CNTNAP2: variants seen among roughly 807,000 people sequenced by gnomAD.
CNTNAP2 encodes contactin associated protein 2.
In CNTNAP2, 98 loss-of-function variants were observed where a neutral mutation model predicts 155.2. The observed-to-expected ratio is 0.63, with a 90% CI of 0.54 to 0.75. CNTNAP2 has a LOEUF of 0.75. Among genes scored for constraint, CNTNAP2 ranks in the 30% least tolerant of loss-of-function variants. The pLI is 0.00. For missense variants in CNTNAP2, 1,727 were observed against 1,688.1 expected, an observed-to-expected ratio of 1.02 and a Z score of -0.40; for synonymous variants, 651 against 631.2, an observed-to-expected ratio of 1.03 and a Z score of -0.47.
intron 11 of CNTNAP2, among the ~76,000 whole-genome samples, chr7:147,504,560 G>A (rs780320263): frequency 5.3e-5 from 8 of 151,444 alleles, no homozygotes; most frequent in Admixed American, 2.6e-4. Context: ...GTGGTGTTAC[G>A]TGCCTGTAAT....
At chr7:146,322,288 G>C (rs1801017727) in intron 1 of CNTNAP2, among the ~76,000 whole-genome samples, 1 of 152,146 alleles carries the variant, frequency 6.6e-6, no homozygotes, top group Non-Finnish European at 1.5e-5. Flanking sequence ...CTGCTTCACA[G>C]TAAAGAATTC....
chr7:147,667,539 C>A (rs1410259591), intron 13 of CNTNAP2, among the ~76,000 whole-genome samples: 1 of 152,110 alleles, frequency 6.6e-6, no homozygotes, highest in African/African-American at 2.4e-5. Flanking sequence ...TGACCCAGCT[C>A]CTTTCCAAGA....
intron 1 of CNTNAP2, among the ~76,000 whole-genome samples, chr7:146,487,115 G>A (rs980714892): frequency 4.6e-5 from 7 of 152,194 alleles, no homozygotes; most frequent in African/African-American, 1.2e-4. Flanking sequence ...ATCTTAATAC[G>A]TATAAGTCAT....
chr7:148,128,358 A>G (rs962090625), intron 16 of CNTNAP2, among the ~76,000 whole-genome samples: 4 of 152,184 alleles, frequency 2.6e-5, no homozygotes, highest in African/African-American at 9.7e-5. Flanking sequence ...TCTCCCCAAA[A>G]ATAAAATTTG....
At chr7:146,237,052 C>CG (rs112968711) in intron 1 of CNTNAP2, among the ~76,000 whole-genome samples, 2,722 of 152,118 alleles carry the variant, frequency 0.018, 92 homozygotes, top group African/African-American at 0.063. Context: ...GAGAAAAACA[C>CG]GGGGGGAGCT....
intron 17 of CNTNAP2, among the ~76,000 whole-genome samples, chr7:148,166,841 G>T (rs547039256): frequency 6.6e-6 from 1 of 152,102 alleles, no homozygotes; most frequent in Non-Finnish European, 1.5e-5. Flanking sequence ...AACTTATGAC[G>T]TTTGTCACCA....
At chr7:147,448,432 A>G (rs1797777694) in intron 10 of CNTNAP2, among the ~76,000 whole-genome samples, 1 of 151,564 alleles carries the variant, frequency 6.6e-6, no homozygotes, top group Non-Finnish European at 1.5e-5. Flanking sequence ...GTTGGGTGCT[A>G]CATAAACATT....
intron 10 of CNTNAP2, among the ~76,000 whole-genome samples, chr7:147,459,883 A>G (rs1797988334): frequency 6.6e-6 from 1 of 152,146 alleles, no homozygotes; most frequent in African/African-American, 2.4e-5. Flanking sequence ...TGAAATAGGT[A>G]GGTCTGAAAC....
chr7:148,201,591 G>A lies in CNTNAP2; in HGVS notation c.3011-15697G>A, dbSNP rs546183156. ...TTATAGACATGGGAAGACTCAAATA[G>A]TTGGTTTCCCTAATTCTCAGGAGAC... On this transcript the variant is annotated intron_variant, in intron 18 of 23. Transcript: ENST00000361727. Among the ~76,000 whole-genome samples the A allele has an allele frequency of 7.9e-5, 12 of 152,232 alleles. No individual in the cohort carries two copies. The South Asian group carries it at 2.5e-3, about 32-fold the overall frequency.
intron 13 of CNTNAP2, among the ~76,000 whole-genome samples, chr7:147,740,997 G>A (rs1239046966): frequency 6.6e-6 from 1 of 152,154 alleles, no homozygotes; most frequent in Non-Finnish European, 1.5e-5. Context: ...ACCCCCAATG[G>A]TCATTGGTTA....
At chr7:146,592,295 A>G (rs1387415680) in intron 1 of CNTNAP2, among the ~76,000 whole-genome samples, 2 of 152,216 alleles carry the variant, frequency 1.3e-5, no homozygotes, top group Non-Finnish European at 2.9e-5. Flanking sequence ...AACCAGAAAA[A>G]TGAGAAATGC....
intron 3 of CNTNAP2, among the ~76,000 whole-genome samples, chr7:146,866,826 T>A (rs2129206394): frequency 6.6e-6 from 1 of 152,246 alleles, no homozygotes; most frequent in African/African-American, 2.4e-5. Flanking sequence ...ACTCACATGA[T>A]GGAAAACAAT....
intron 22 of CNTNAP2, among the ~76,000 whole-genome samples, chr7:148,403,236 G>A (rs1799629413): frequency 6.6e-6 from 1 of 151,418 alleles, no homozygotes; most frequent in South Asian, 2.1e-4. Flanking sequence ...GAGGAGGGGA[G>A]GAGAGCTAAT....
At chr7:147,680,053 C>A (rs774725234) in intron 13 of CNTNAP2, among the ~76,000 whole-genome samples, 2 of 151,746 alleles carry the variant, frequency 1.3e-5, no homozygotes, top group Non-Finnish European at 2.9e-5. Context: ...GTAACCTGTG[C>A]CTTCACTCAA....
intron 2 of CNTNAP2, among the ~76,000 whole-genome samples, chr7:146,785,259 C>A (rs1802556344): frequency 6.6e-6 from 1 of 152,230 alleles, no homozygotes; most frequent in Non-Finnish European, 1.5e-5. Flanking sequence ...CAGGCATGAG[C>A]CACAGAGCGC....
At chr7:148,330,491 G>A (rs1797971695) in intron 21 of CNTNAP2, among the ~76,000 whole-genome samples, 1 of 149,910 alleles carries the variant, frequency 6.7e-6, no homozygotes, top group African/African-American at 2.5e-5. Flanking sequence ...CGGATGGAGT[G>A]GATGGATGGA....
At chr7:146,648,125 T>C (rs1282124558) in intron 1 of CNTNAP2, among the ~76,000 whole-genome samples, 2 of 152,166 alleles carry the variant, frequency 1.3e-5, no homozygotes, top group Non-Finnish European at 2.9e-5. Flanking sequence ...TAAAATGCTT[T>C]TGTATTTCTC....
chr7:147,602,639 C>T (rs1488929616), intron 12 of CNTNAP2, among the ~76,000 whole-genome samples: 1 of 150,796 alleles, frequency 6.6e-6, no homozygotes, highest in African/African-American at 2.4e-5. Context: ...TCCCTCCCCA[C>T]TCCCCCCACC....
chr7:147,876,643 A>G lies in CNTNAP2; in HGVS notation c.2099-26922A>G, dbSNP rs536978762. On this transcript the variant is annotated intron_variant, in intron 13 of 23. Coordinates refer to ENST00000361727, the MANE Select transcript of CNTNAP2 (RefSeq NM_014141.6). Reference sequence around the variant, plus strand: ...CCTTTCCCTCCACATTTTTTTTTAAATAGCAGTTAGGGGGAGTGATATTCC... The same window carrying G: ...CCTTTCCCTCCACATTTTTTTTTAAGTAGCAGTTAGGGGGAGTGATATTCC... Among the ~76,000 whole-genome samples, 15 of 151,702 alleles carry G rather than the reference A, an allele frequency of 9.9e-5. No individual in the cohort carries two copies. In the South Asian group the frequency reaches 2.9e-3, roughly 29 times the overall value.
Sources: gnomAD v4.1 joint callset for allele counts (sites outside exome capture counted in the v4.1 genomes callset) on GRCh38, gnomAD v4.1.1 for gene constraint, MANE v1.5 for transcripts, NCBI Gene and HGNC (gene_info 2026-07-23, HGNC 2026-07-21) for gene names.